The following PRRC2A variants were observed in gnomAD, a reference collection of about 807,000 sequenced individuals.
PRRC2A encodes protein PRRC2A.
In PRRC2A, 59 loss-of-function variants were observed where a neutral mutation model predicts 224.6. The ratio of observed to expected loss-of-function variants is 0.26; its 90% CI spans 0.21 to 0.33. The LOEUF is 0.33. PRRC2A is among the 10% of genes least tolerant of loss of function. The pLI is 1.00. For missense variants in PRRC2A, 3,095 were observed against 2,880.7 expected (o/e 1.07, Z -1.70); for synonymous variants, 1,194 against 1,109.5 (o/e 1.08, Z -1.51).
chr6:31,627,972 C>A lies in PRRC2A; in HGVS notation c.1498C>A (p.Pro500Thr). 6.2e-7 allele frequency: 1 copy of A among 1,613,012 alleles called. No individual in the cohort carries two copies. The highest frequency in any genetic ancestry group is 8.5e-7 in the Non-Finnish European group (1 of 1,180,024). The change falls in exon 12 of 31, where the codon CCT becomes ACT. Residue 500 changes from proline (P) to threonine (T), a missense_variant. By Grantham distance (38) the Pro-to-Thr change is conservative. Around this residue, in one of 8 missense-constraint regions of PRRC2A, gnomAD observed 2,001 missense variants for 1,764.9 expected, o/e 1.13. Coordinates refer to ENST00000376033, the MANE Select transcript of PRRC2A (RefSeq NM_004638.4). The surrounding 1 kb of genome is among the most constrained non-coding windows in gnomAD (Gnocchi z 5.6). ...LKRLDEKFGA[P>T]DKRLKAEPAA... Reference sequence around the variant, plus strand: ...GCGACTCGATGAAAAGTTTGGGGCACCTGACAAGCGGCTCAAAGCAGAGCC... The same window carrying A: ...GCGACTCGATGAAAAGTTTGGGGCAACTGACAAGCGGCTCAAAGCAGAGCC...
Position 31,625,252 on chromosome 6 carries a change from C to G in PRRC2A, c.545C>G (p.Ala182Gly), listed in dbSNP as rs749683857. The G allele has an allele frequency of 9.3e-6, 15 of 1,613,114 alleles. No individual in the cohort carries two copies. In the Admixed American group the frequency reaches 2.3e-4, roughly 25 times the overall value. ...TLQAAGDQDK[A>G]AKERESAEQS... is the part of the protein sequence containing the mutation. Reference sequence around the variant, plus strand: ...CAGGCGGCTGGCGACCAGGACAAGGCTGCCAAGGAAAGGGAGTCTGCCGAA... The same window carrying G: ...CAGGCGGCTGGCGACCAGGACAAGGGTGCCAAGGAAAGGGAGTCTGCCGAA... Residue 182 changes from alanine to glycine, a missense_variant, in exon 6 of 31, where the codon GCT becomes GGT. Ala to Gly is a moderately conservative substitution (Grantham distance 60, BLOSUM62 0). This residue lies in a region of PRRC2A where 287 missense variants were observed against 275.3 expected (regional missense o/e 1.04). Transcript: ENST00000376033. The surrounding 1 kb of genome is among the most constrained non-coding windows in gnomAD (Gnocchi z 4.1).
Position 31,631,875 on chromosome 6 carries a change from G to A in PRRC2A, c.3202G>A (p.Gly1068Ser), listed in dbSNP as rs1231854050. Reference sequence around the variant, plus strand: ...GTTTCGAGGAGATGATGGGCGTGGAGGTGGGACAGGGGGACCAAACCACCC... The same window carrying A: ...GTTTCGAGGAGATGATGGGCGTGGAAGTGGGACAGGGGGACCAAACCACCC... ...REFRGDDGRG[G>S]GTGGPNHPPA... Residue 1068 changes from glycine to serine, a missense_variant, in exon 16 of 31, where the codon GGT (glycine) becomes AGT (serine). Coordinates refer to ENST00000376033, the MANE Select transcript of PRRC2A (RefSeq NM_004638.4). The surrounding 1 kb of genome is among the most constrained non-coding windows in gnomAD (Gnocchi z 4.5). 1.2e-6 allele frequency: 2 copies of A among 1,610,644 alleles called. No homozygotes were observed. Among genetic ancestry groups the A allele is most frequent in the South Asian group, 1.1e-5 (1 of 90,816 alleles).
At chr6:31,637,177 T>G in intron 29 of PRRC2A, 41 bp downstream of exon 29, 1 of 1,607,400 alleles carries the variant, frequency 6.2e-7, no homozygotes, top group Non-Finnish European at 8.5e-7. Flanking sequence ...AGTGCTTCCT[T>G]ACTTTGGAAC....
rs1340223425 is a variant in PRRC2A at position 31,634,144 on chromosome 6, C to T, written c.4720-92C>T. ...TCCCATGTGTCTCCCTTGTTGTCCC[C>T]ACACCCTGTGTCACCCCACTCTGTC... On this transcript the variant is annotated intron_variant, in intron 18 of 30. Transcript: ENST00000376033. 5.1e-6 allele frequency: 8 copies of T among 1,566,146 alleles called. No homozygotes were observed. The East Asian group carries it at 6.7e-5, about 13-fold the overall frequency.
At position 31,633,835 on chromosome 6, in the gene PRRC2A, G is replaced by A. The variant is rs770598415; in HGVS notation, c.4589-24G>A. 6 of 1,569,156 alleles carry A rather than the reference G, an allele frequency of 3.8e-6. No homozygotes were observed. The African/African-American group carries it at 8.3e-5, about 22-fold the overall frequency. On this transcript the variant is annotated intron_variant, in intron 17 of 30. Coordinates refer to ENST00000376033, the MANE Select transcript of PRRC2A (RefSeq NM_004638.4). ...GGGTCAGTGGCAGAGCCAGGCAGAT[G>A]CTGACCCTTTTTCTCTTTCCCAGAC...
intron 16 of PRRC2A, 149 bp from the exon 17 acceptor site, chr6:31,633,230 C>T: frequency 1.7e-6 from 2 of 1,211,090 alleles, no homozygotes; most frequent in Non-Finnish European, 2.3e-6. Flanking sequence ...GTCTGTGCAT[C>T]TGTATGCATA....
At chr6:31,626,625 T>G (rs1011330181) in intron 9 of PRRC2A, 147 bp from the exon 10 acceptor site, 8 of 681,764 alleles carry the variant, frequency 1.2e-5, no homozygotes, top group Admixed American at 5.9e-5. Flanking sequence ...GTGAGAGGAG[T>G]AAGAATGACA....
Position 31,632,484 on chromosome 6 carries a change from T to G in PRRC2A, c.3811T>G (p.Ser1271Ala). 1 of 1,607,110 alleles carries G rather than the reference T, an allele frequency of 6.2e-7. No homozygotes were observed. Among genetic ancestry groups the G allele is most frequent in the South Asian group, 1.1e-5 (1 of 90,660 alleles). The change falls in exon 16 of 31, where the codon TCT becomes GCT. Residue 1271 changes from serine (S) to alanine (A), a missense_variant. By Grantham distance (99) the Ser-to-Ala change is moderately conservative (BLOSUM62 1). Around this residue, in one of 8 missense-constraint regions of PRRC2A, gnomAD observed 2,001 missense variants for 1,764.9 expected, o/e 1.13. Transcript: ENST00000376033. ...KQERENAARG[S>A]EGKPSLTLPA... ...GGAACGGGAGAATGCCGCAAGGGGG[T>G]CTGAGGGCAAGCCCTCCCTAACCCT...
At chr6:31,633,692 A>G (rs1386312955) in intron 17 of PRRC2A, 45 bp downstream of exon 17, 1 of 1,571,218 alleles carries the variant, frequency 6.4e-7, no homozygotes, top group Non-Finnish European at 8.6e-7. Context: ...ATCCCCAGAG[A>G]AGGTCAAGTG....
Position 31,627,790 on chromosome 6 carries a change from C to A in PRRC2A, c.1316C>A (p.Pro439His). Residue 439 changes from proline (P) to histidine (H), a missense_variant, in exon 12 of 31, where the codon CCC (proline) becomes CAC (histidine). Pro to His is a moderately conservative substitution (Grantham distance 77, BLOSUM62 -2). Around this residue, in one of 8 missense-constraint regions of PRRC2A, gnomAD observed 2,001 missense variants for 1,764.9 expected, o/e 1.13. Transcript: ENST00000376033. This position sits in a 1 kb window ranked among gnomAD's most constrained non-coding sequence, Gnocchi z 5.6. Reference sequence around the variant, plus strand: ...GATCGTGGGGGTCCTCCCTGCAAGCCCCCAGCACCTGAAGATGAGGATGAG... The same window carrying A: ...GATCGTGGGGGTCCTCCCTGCAAGCACCCAGCACCTGAAGATGAGGATGAG... The part of the protein sequence containing the change: ...YPDRGGPPCK[P>H]PAPEDEDEAW... 4 of 1,612,892 alleles carry A rather than the reference C, an allele frequency of 2.5e-6. No homozygotes were observed. Among genetic ancestry groups the A allele is most frequent in the Non-Finnish European group, 3.4e-6 (4 of 1,179,960 alleles).
chr6:31,637,421 T>G, intron 30 of PRRC2A, 25 bp from the exon 31 acceptor site: 6 of 1,600,862 alleles, frequency 3.7e-6, no homozygotes, highest in Non-Finnish European at 4.3e-6. Flanking sequence ...TGTGACTCAC[T>G]GTTTAACACA....
chr6:31,628,866 A>G (rs1168660168), intron 12 of PRRC2A: 2 of 431,794 alleles, frequency 4.6e-6, no homozygotes, highest in Non-Finnish European at 8.2e-6. Context: ...CTCACAAGAA[A>G]TACATAAATA....
rs1225751001 is a variant in PRRC2A at position 31,634,363 on chromosome 6, C to T, written c.4847C>T (p.Thr1616Ile). ...LTPHIWNRLH[T>I]ATSRKSYRPS... ...CCTCACATCTGGAACCGTTTACATACTGGTGAGTAAAGCTGAGTGAAAGGA... is the reference window on the plus strand; with the variant it reads ...CCTCACATCTGGAACCGTTTACATATTGGTGAGTAAAGCTGAGTGAAAGGA... The change falls in exon 19 of 31, where the codon ACT (threonine) becomes ATT (isoleucine). Residue 1616 changes from threonine (T) to isoleucine (I), a missense_variant and splice_region_variant. By Grantham distance (89) the Thr-to-Ile change is moderately conservative. Transcript: ENST00000376033. The T allele has an allele frequency of 1.2e-6, 2 of 1,612,838 alleles. No homozygotes were observed. The highest frequency in any genetic ancestry group is 1.7e-5 in the Admixed American group (1 of 59,978).
Position 31,634,318 on chromosome 6 carries a change from C to T in PRRC2A, c.4802C>T (p.Thr1601Ile). 1 of 1,612,898 alleles carries T rather than the reference C, an allele frequency of 6.2e-7. No individual in the cohort carries two copies. The highest frequency in any genetic ancestry group is 8.5e-7 in the Non-Finnish European group (1 of 1,179,996). The change falls in exon 19 of 31, where the codon ACA (threonine) becomes ATA (isoleucine). Residue 1601 changes from threonine to isoleucine, a missense_variant. This residue lies in a region of PRRC2A where 2,001 missense variants were observed against 1,764.9 expected (regional missense o/e 1.13). Coordinates refer to ENST00000376033, the MANE Select transcript of PRRC2A (RefSeq NM_004638.4). ...GPGPQAESRD[T>I]GTEALTPHIW... ...GGCCCTCAGGCAGAGTCCAGAGATACAGGCACAGAGGCCCTGACCCCTCAC... is the reference window on the plus strand; with the variant it reads ...GGCCCTCAGGCAGAGTCCAGAGATATAGGCACAGAGGCCCTGACCCCTCAC...
In PRRC2A at chr6:31,632,250, G is replaced by A. The variant is rs771226214; in HGVS notation, c.3577G>A (p.Ala1193Thr). The change falls in exon 16 of 31, where the codon GCT becomes ACT. Residue 1193 changes from alanine (A) to threonine (T), a missense_variant. Coordinates refer to ENST00000376033, the MANE Select transcript of PRRC2A (RefSeq NM_004638.4). ...PGWSPPAKSL[A>T]PKKPPTGPLP... ...CTGGAGCCCTCCAGCCAAGTCTCTG[G>A]CTCCCAAGAAACCTCCCACAGGCCC... 8 of 1,612,822 alleles carry A rather than the reference G, an allele frequency of 5.0e-6. No homozygotes were observed. The African/African-American group carries it at 9.3e-5, about 19-fold the overall frequency.
chr6:31,626,005 C>CT lies in PRRC2A; in HGVS notation c.840-9dup. The CT allele has an allele frequency of 1.2e-6, 2 of 1,610,354 alleles. No homozygotes were observed. The highest frequency in any genetic ancestry group is 1.7e-6 in the Non-Finnish European group (2 of 1,178,804). ...TATACAACATGCCATATTTCATTTTCTTTTTTGTGTACAGCCGTTTTCCCC... is the reference window on the plus strand; with the variant it reads ...TATACAACATGCCATATTTCATTTTCTTTTTTTGTGTACAGCCGTTTTCCCC... On this transcript the variant is annotated splice_polypyrimidine_tract_variant and intron_variant, in intron 8 of 30. Coordinates refer to ENST00000376033, the MANE Select transcript of PRRC2A (RefSeq NM_004638.4).
rs1208277872 is a variant in PRRC2A at position 31,627,013 on chromosome 6, C to T, written c.1105C>T (p.Arg369Trp). 7 of 1,614,198 alleles carry T rather than the reference C, an allele frequency of 4.3e-6. No individual in the cohort carries two copies. Among genetic ancestry groups the T allele is most frequent in the South Asian group, 2.2e-5 (2 of 91,084 alleles). The part of the protein sequence containing the change: ...RDSQSASGEE[R>W]PPEADGKKGN... Reference sequence around the variant, plus strand: ...TTCCCAATCAGCTTCTGGTGAGGAACGGCCCCCTGAAGCAGATGGCAAAAA... The same window carrying T: ...TTCCCAATCAGCTTCTGGTGAGGAATGGCCCCCTGAAGCAGATGGCAAAAA... The change falls in exon 11 of 31, where the codon CGG becomes TGG. Residue 369 changes from arginine (R) to tryptophan (W), a missense_variant. Arg to Trp is a moderately radical substitution (Grantham distance 101). Transcript: ENST00000376033. The surrounding 1 kb of genome is among the most constrained non-coding windows in gnomAD (Gnocchi z 5.6).
rs762763010 is a variant in PRRC2A at position 31,633,935 on chromosome 6, C to G, written c.4665C>G (p.Pro1555=). 6.3e-7 allele frequency: 1 copy of G among 1,596,696 alleles called. No individual in the cohort carries two copies. Among genetic ancestry groups the G allele is most frequent in the South Asian group, 1.1e-5 (1 of 88,356 alleles). ...CTCGGGACTCTGCCGGGGTTAGTCCCTTTCCCCCTAAACGTCGGGAGCGGC... is the reference window on the plus strand; with the variant it reads ...CTCGGGACTCTGCCGGGGTTAGTCCGTTTCCCCCTAAACGTCGGGAGCGGC... ...GTPRDSAGVS[P]FPPKRRERPP... is the part of the protein sequence containing the mutation. Residue 1555 remains proline (P), a synonymous_variant, in exon 18 of 31, where the codon CCC becomes CCG. Transcript: ENST00000376033.
Position 31,632,265 on chromosome 6 carries a change from C to G in PRRC2A, c.3592C>G (p.Pro1198Ala), listed in dbSNP as rs1466731039. 1.9e-6 allele frequency: 3 copies of G among 1,612,950 alleles called. No individual in the cohort carries two copies. Among genetic ancestry groups the G allele is most frequent in the South Asian group, 1.1e-5 (1 of 91,092 alleles). ...PAKSLAPKKP[P>A]TGPLPPSKEP... is the part of the protein sequence containing the mutation. Reference sequence around the variant, plus strand: ...CAAGTCTCTGGCTCCCAAGAAACCTCCCACAGGCCCTTTGCCACCAAGTAA... The same window carrying G: ...CAAGTCTCTGGCTCCCAAGAAACCTGCCACAGGCCCTTTGCCACCAAGTAA... Residue 1198 changes from proline (P) to alanine (A), a missense_variant, in exon 16 of 31, where the codon CCC becomes GCC. Physicochemically the swap from Pro to Ala is conservative, Grantham distance 27 (BLOSUM62 -1). Around this residue, in one of 8 missense-constraint regions of PRRC2A, gnomAD observed 2,001 missense variants for 1,764.9 expected, o/e 1.13. Transcript: ENST00000376033.
Sources: allele counts gnomAD v4.1 joint callset, GRCh38; gene constraint gnomAD v4.1.1; regional missense constraint gnomAD v4.1.1; non-coding constraint Gnocchi (gnomAD v3.1); transcripts MANE v1.5; gene names NCBI Gene and HGNC (gene_info 2026-07-23, HGNC 2026-07-21).